The following KEL variants were observed in gnomAD, a reference collection of about 807,000 sequenced individuals.
KEL encodes the protein Kell metallo-endopeptidase (Kell blood group).
KEL carries 96 observed loss-of-function variants against 99.5 expected under a neutral mutation model. The observed-to-expected ratio is 0.97, with a 90% CI of 0.82 to 1.14. KEL has a LOEUF of 1.14. KEL is among the 50% of genes most tolerant of loss of function. The pLI is 0.00. For synonymous variants in KEL, 355 were observed against 354.8 expected (o/e 1.00, Z -0.01); for missense variants, 926 against 924.2 (o/e 1.00, Z -0.03).
chr7:142,961,317 G>C (rs372913861), intron 3 of KEL, 43 bp downstream of exon 3: 1 of 1,612,070 alleles, frequency 6.2e-7, no homozygotes, highest in South Asian at 1.1e-5. Context: ...CCCCAGGGCT[G>C]GGGGAGGGCT....
chr7:142,960,946 G>A lies in KEL; in HGVS notation c.382C>T (p.Arg128Ter), dbSNP rs61729053. 2.7e-5 allele frequency: 43 copies of A among 1,614,074 alleles called. No homozygotes were observed. Among genetic ancestry groups the A allele is most frequent in the African/African-American group, 1.7e-4 (13 of 74,922 alleles). ...FQELATKNKN[R>*]LRRILEVQNS... ...TCCTCACCCAGTATTCTCCGAAGTC[G>A]GTTTTTGTTCTTTGTGGCAAGCTCC... Residue 128 changes from arginine (R) to a stop codon, truncating the protein, a stop_gained, in exon 4 of 19, where the codon CGA (arginine) becomes TGA (stop). Coordinates refer to ENST00000355265, the MANE Select transcript of KEL (RefSeq NM_000420.3). LOFTEE classifies it high-confidence loss of function.
intron 10 of KEL, among the ~76,000 whole-genome samples, chr7:142,951,145 C>T (rs1001436974): frequency 6.6e-6 from 1 of 152,206 alleles, no homozygotes; most frequent in African/African-American, 2.4e-5. Flanking sequence ...ATTAGTTCAG[C>T]TTTTAAGCCC....
intron 3 of KEL, 61 bp downstream of exon 3, chr7:142,961,299 G>A (rs1698134717): frequency 6.2e-7 from 1 of 1,607,324 alleles, no homozygotes; most frequent in African/African-American, 1.3e-5. Flanking sequence ...GCAGGGACTG[G>A]GCCTGGGCCC....
chr7:142,942,642 C>A, intron 17 of KEL, 113 bp from the exon 18 acceptor site: 1 of 890,800 alleles, frequency 1.1e-6, no homozygotes, highest in South Asian at 1.4e-5. Context: ...TCTGCACTGA[C>A]TAGTTGATCT....
chr7:142,952,416 C>G, intron 10 of KEL, 93 bp downstream of exon 10: 2 of 1,508,694 alleles, frequency 1.3e-6, no homozygotes, highest in Non-Finnish European at 1.8e-6. Flanking sequence ...CATCACGGCC[C>G]CCTCCCTGAG....
chr7:142,945,121 T>A (rs932458959), intron 11 of KEL, among the ~76,000 whole-genome samples: 1 of 152,204 alleles, frequency 6.6e-6, no homozygotes, highest in African/African-American at 2.4e-5. Context: ...GTTCTCACAC[T>A]GTCTTTTTTA....
chr7:142,942,476 C>T lies in KEL; in HGVS notation c.1995G>A (p.Leu665=). 6.2e-7 allele frequency: 1 copy of T among 1,609,514 alleles called. No homozygotes were observed. Among genetic ancestry groups the T allele is most frequent in the South Asian group, 1.1e-5 (1 of 89,694 alleles). Residue 665 remains leucine, a synonymous_variant, in exon 18 of 19, where the codon CTG becomes CTA. Coordinates refer to ENST00000355265, the MANE Select transcript of KEL (RefSeq NM_000420.3). ...AGAAGATCTGCTGGGGGCTGAGGTC[C>T]AGGCTGGGCAGGACAGTCTCCCCAT... ...RHHGETVLPS[L]DLSPQQIFFR... is the part of the protein sequence containing the mutation.
Position 142,954,276 on chromosome 7 carries a change from T to C in KEL, c.832A>G (p.Ile278Val), listed in dbSNP as rs150259463. The change falls in exon 8 of 19, where the codon ATC (isoleucine) becomes GTC (valine). Residue 278 changes from isoleucine (I) to valine (V), a missense_variant. By Grantham distance (29) the Ile-to-Val change is conservative (BLOSUM62 3). Transcript: ENST00000355265. ...VQEHSSLSIS[I>V]TSRLFQFLRP... is the part of the protein sequence containing the mutation. ...AGAAACTGGAACAGCCGTGAAGTGA[T>C]GGAGATTGACAAGGAAGAGTGTTCT... The C allele has an allele frequency of 4.5e-5, 73 of 1,613,686 alleles. No individual in the cohort carries two copies. The highest frequency in any genetic ancestry group is 6.1e-5 in the Non-Finnish European group (72 of 1,179,760).
chr7:142,944,403 G>T lies in KEL; in HGVS notation c.1414-3C>A, dbSNP rs748507981. On this transcript the variant is annotated splice_polypyrimidine_tract_variant and splice_region_variant and intron_variant, in intron 12 of 18. Transcript: ENST00000355265. ...ATCTCCACCTGCAGTTGAGCAACCT[G>T]GAGAGAGACACAGAAGAGGCTAGGA... 12 of 1,611,386 alleles carry T rather than the reference G, an allele frequency of 7.4e-6. No individual in the cohort carries two copies. In the East Asian group the frequency reaches 2.0e-4, roughly 27 times the overall value.
Position 142,948,899 on chromosome 7 carries a change from G to GACACACACAC in KEL, c.1204-2592_1204-2583dup, listed in dbSNP as rs72104159. On this transcript the variant is annotated intron_variant, in intron 10 of 18. Transcript: ENST00000355265. Reference sequence around the variant, plus strand: ...AGCCCAGTGTTTCCCAAGCTTCACAGACACACACACACACACACACACACA... The same window carrying GACACACACAC: ...AGCCCAGTGTTTCCCAAGCTTCACAGACACACACACACACACACACACACACACACACACA... 8.9e-3 allele frequency among the ~76,000 whole-genome samples: 1,266 copies of GACACACACAC among 142,240 alleles called. 21 individuals carry two copies. Among genetic ancestry groups the GACACACACAC allele is most frequent in the African/African-American group, 0.031 (1,194 of 39,138 alleles). 93.3% of individuals were successfully genotyped at this position (142,240 alleles called of 152,430 possible).
chr7:142,943,593 C>T lies in KEL; in HGVS notation c.1596G>A (p.Trp532Ter). Residue 532 changes from tryptophan (W) to a stop codon, truncating the protein, a stop_gained, in exon 15 of 19, where the codon TGG becomes TGA. Transcript: ENST00000355265. LOFTEE classifies it high-confidence loss of function. The stretch of plus-strand genomic sequence containing the variant: ...CATTGACGTCCCAAGGGGACACCTT[C>T]CACCTGTGGGAAGAGGACATGTGAA... ...SFLQPHPQHR[W>*]KVSPWDVNAY... The T allele has an allele frequency of 1.2e-6, 2 of 1,611,842 alleles. No individual in the cohort carries two copies. Among genetic ancestry groups the T allele is most frequent in the Non-Finnish European group, 1.7e-6 (2 of 1,178,028 alleles).
At position 142,947,248 on chromosome 7, in the gene KEL, G is replaced by C. The variant is rs1220908224; in HGVS notation, c.1204-931C>G. Among the ~76,000 whole-genome samples, 6 of 152,302 alleles carry C rather than the reference G, an allele frequency of 3.9e-5. No homozygotes were observed. In the East Asian group the frequency reaches 1.2e-3, roughly 29 times the overall value. ...CCAGCTAATATGCTAATTTGGGTTA[G>C]GCAGGATGAAGCCTCAAAACTTTAT... On this transcript the variant is annotated intron_variant, in intron 10 of 18. Coordinates refer to ENST00000355265, the MANE Select transcript of KEL (RefSeq NM_000420.3).
At position 142,943,571 on chromosome 7, in the gene KEL, T is replaced by G. The variant is rs763007139; in HGVS notation, c.1618A>C (p.Asn540His). The change falls in exon 15 of 19, where the codon AAT becomes CAT. Residue 540 changes from asparagine (N) to histidine (H), a missense_variant. By Grantham distance (68) the Asn-to-His change is moderately conservative. Coordinates refer to ENST00000355265, the MANE Select transcript of KEL (RefSeq NM_000420.3). ...TGGTCAGATACCGAATAGTAAGCAT[T>G]GACGTCCCAAGGGGACACCTTCCAC... ...HRWKVSPWDV[N>H]AYYSVSDHVV... 5 of 1,613,940 alleles carry G rather than the reference T, an allele frequency of 3.1e-6. No individual in the cohort carries two copies. Among genetic ancestry groups the G allele is most frequent in the African/African-American group, 1.3e-5 (1 of 74,902 alleles).
At chr7:142,961,310 C>T in intron 3 of KEL, 50 bp downstream of exon 3, 1 of 1,611,966 alleles carries the variant, frequency 6.2e-7, no homozygotes, top group South Asian at 1.1e-5. Context: ...GCCTGGGCCC[C>T]AGGGCTGGGG....
chr7:142,944,932 A>G, intron 11 of KEL, 191 bp from the exon 12 acceptor site: 3 of 638,254 alleles, frequency 4.7e-6, no homozygotes, highest in Non-Finnish European at 8.4e-6. Context: ...TGCCAAGCCC[A>G]CAAAGGGAAG....
Position 142,953,283 on chromosome 7 carries a change from C to A in KEL, c.1073+525G>T, listed in dbSNP as rs1796735998. On this transcript the variant is annotated intron_variant, in intron 9 of 18. Coordinates refer to ENST00000355265, the MANE Select transcript of KEL (RefSeq NM_000420.3). Reference sequence around the variant, plus strand: ...TGATTTCCTGACACCAGCAGAAATGCTCTTAGACATTGTTTCCCATAAGAG... The same window carrying A: ...TGATTTCCTGACACCAGCAGAAATGATCTTAGACATTGTTTCCCATAAGAG... 4 of 854,464 alleles carry A rather than the reference C, an allele frequency of 4.7e-6. No homozygotes were observed. The South Asian group carries it at 2.1e-4, about 44-fold the overall frequency. 52.9% of individuals were successfully genotyped at this position (854,464 alleles called of 1,614,324 possible).
At chr7:142,954,047 A>G in intron 8 of KEL, 91 bp from the exon 9 acceptor site, 1 of 1,501,372 alleles carries the variant, frequency 6.7e-7, no homozygotes, top group Non-Finnish European at 9.2e-7. Flanking sequence ...AGAAGAGAAC[A>G]GGCTAACTGG....
chr7:142,951,473 C>G (rs192340964), intron 10 of KEL, among the ~76,000 whole-genome samples: 15 of 152,294 alleles, frequency 9.8e-5, no homozygotes, highest in African/African-American at 3.4e-4. Flanking sequence ...AACACAGACC[C>G]TGGAGCCAGA....
intron 9 of KEL, among the ~76,000 whole-genome samples, chr7:142,953,004 C>T (rs566968891): frequency 8.5e-5 from 13 of 152,268 alleles, no homozygotes; most frequent in African/African-American, 2.9e-4. Flanking sequence ...TCTGTGACTG[C>T]TCTCTCCTCC....
Sources: allele counts gnomAD v4.1 joint callset (sites outside exome capture counted in the v4.1 genomes callset), GRCh38; gene constraint gnomAD v4.1.1; transcripts MANE v1.5; gene names NCBI Gene and HGNC (gene_info 2026-07-23, HGNC 2026-07-21).